The following GRIN2B variants were observed in gnomAD, a reference collection of about 807,000 sequenced individuals.
GRIN2B encodes glutamate ionotropic receptor NMDA type subunit 2B.
A neutral mutation model predicts 114.5 loss-of-function variants in GRIN2B; 5 were observed. The ratio of observed to expected loss-of-function variants is 0.04; its 90% CI spans 0.02 to 0.09. The LOEUF (loss-of-function observed/expected upper bound fraction) is 0.09. GRIN2B is among the 10% of genes least tolerant of loss of function. The pLI, the probability that GRIN2B is intolerant of heterozygous loss-of-function variation, is 1.00. For synonymous variants in GRIN2B, 787 were observed against 745.1 expected, an observed-to-expected ratio of 1.06 and a Z score of -0.92; for missense variants, 1,108 against 1,943.5, an observed-to-expected ratio of 0.57 and a Z score of 8.08.
intron 3 of GRIN2B, among the ~76,000 whole-genome samples, chr12:13,804,688 G>A (rs150887990): frequency 3.3e-5 from 5 of 152,128 alleles, no homozygotes; most frequent in East Asian, 1.9e-4. Flanking sequence ...AGTTCCTGCC[G>A]TGTTTCTCAT....
At chr12:13,727,727 G>A (rs1565515158) in intron 4 of GRIN2B, among the ~76,000 whole-genome samples, 1 of 152,152 alleles carries the variant, frequency 6.6e-6, no homozygotes, top group East Asian at 1.9e-4. Flanking sequence ...CAAGGTGGGA[G>A]GACCTGATGC....
intron 10 of GRIN2B, among the ~76,000 whole-genome samples, chr12:13,600,593 T>G (rs1949144337): frequency 6.6e-6 from 1 of 152,022 alleles, no homozygotes; most frequent in Non-Finnish European, 1.5e-5. Context: ...GAGAAAAGAG[T>G]TCCCTGTGCC....
intron 3 of GRIN2B, among the ~76,000 whole-genome samples, chr12:13,804,262 C>G (rs1008928947): frequency 2.7e-5 from 4 of 148,392 alleles, no homozygotes; most frequent in Non-Finnish European, 5.9e-5. Context: ...CACTGCATTA[C>G]TTACATTCTA....
chr12:13,893,827 A>T (rs991512429), intron 2 of GRIN2B, among the ~76,000 whole-genome samples: 25 of 121,708 alleles, frequency 2.1e-4, no homozygotes, highest in East Asian at 1.2e-3. Context: ...GACTTTTTTT[A>T]AAAAAAAGAA....
intron 4 of GRIN2B, among the ~76,000 whole-genome samples, chr12:13,715,501 T>A (rs1339760517): frequency 6.6e-6 from 1 of 151,912 alleles, no homozygotes; most frequent in Non-Finnish European, 1.5e-5. Context: ...TAACATGCAG[T>A]AAACACTTAG....
intron 3 of GRIN2B, among the ~76,000 whole-genome samples, chr12:13,783,061 TA>T (rs1416008271): frequency 3.3e-5 from 5 of 152,162 alleles, no homozygotes; most frequent in South Asian, 2.1e-4. Context: ...ATGTTAGTAT[TA>T]AAAAACTATA....
At chr12:13,671,985 T>C (rs766248103) in intron 5 of GRIN2B, among the ~76,000 whole-genome samples, 4 of 152,128 alleles carry the variant, frequency 2.6e-5, no homozygotes, top group Non-Finnish European at 4.4e-5. Flanking sequence ...ACGGGGTGAC[T>C]ACCTCATCAT....
chr12:13,569,783 G>C (rs1806211), intron 12 of GRIN2B, 47 bp downstream of exon 12: 2 of 1,174,490 alleles, frequency 1.7e-6, no homozygotes, highest in Non-Finnish European at 2.5e-6. Context: ...GTTTTGGACT[G>C]GCCATCAGTA....
At chr12:13,580,680 T>G (rs1948835664) in intron 10 of GRIN2B, among the ~76,000 whole-genome samples, 1 of 152,200 alleles carries the variant, frequency 6.6e-6, no homozygotes. Flanking sequence ...ATTATTGTCA[T>G]TACCCTATTT....
chr12:13,570,048 G>A, intron 11 of GRIN2B, 31 bp from the exon 12 acceptor site: 3 of 1,525,556 alleles, frequency 2.0e-6, no homozygotes, highest in Non-Finnish European at 2.7e-6. Context: ...CAAATCCAAT[G>A]GAGGAATTTT....
rs542631040 is a variant in GRIN2B at position 13,839,108 on chromosome 12, C to A, written c.411+26690G>T. On this transcript the variant is annotated intron_variant, in intron 3 of 13. Coordinates refer to ENST00000609686, the MANE Select transcript of GRIN2B (RefSeq NM_000834.5). Reference sequence around the variant, plus strand: ...CTGTTTATAACACCTACTGATCACACTCTGAGGTTAAGTCAGCTCTGGCAC... The same window carrying A: ...CTGTTTATAACACCTACTGATCACAATCTGAGGTTAAGTCAGCTCTGGCAC... Among the ~76,000 whole-genome samples, 4 of 152,372 alleles carry A rather than the reference C, an allele frequency of 2.6e-5. No individual in the cohort carries two copies. The East Asian group carries it at 5.8e-4, about 22-fold the overall frequency.
At position 13,905,892 on chromosome 12, in the gene GRIN2B, T is replaced by C. The variant is rs115829666; in HGVS notation, c.-18-39666A>G. Among the ~76,000 whole-genome samples, 1,487 of 152,262 alleles carry C rather than the reference T, an allele frequency of 9.8e-3. 4 individuals are homozygous for C. The highest frequency in any genetic ancestry group is 0.017 in the Middle Eastern group (5 of 294). On this transcript the variant is annotated intron_variant, in intron 2 of 13. Transcript: ENST00000609686. ...AGCCTCAAGGACGCTCTCCATAAAATTGCCTGTGCATATAATCACAGGTTA... is the reference window on the plus strand; with the variant it reads ...AGCCTCAAGGACGCTCTCCATAAAACTGCCTGTGCATATAATCACAGGTTA...
At chr12:13,694,737 T>G (rs1235522492) in intron 4 of GRIN2B, among the ~76,000 whole-genome samples, 1 of 140,652 alleles carries the variant, frequency 7.1e-6, no homozygotes, top group East Asian at 2.1e-4. Flanking sequence ...ATATCCACTC[T>G]TCTCCTCTAT....
chr12:13,909,881 G>T (rs1866602066), intron 2 of GRIN2B, among the ~76,000 whole-genome samples: 2 of 150,930 alleles, frequency 1.3e-5, no homozygotes, highest in South Asian at 4.2e-4. Context: ...CATTGTAAAA[G>T]TTCTTGTTTC....
chr12:13,708,244 C>T (rs1391165715), intron 4 of GRIN2B, among the ~76,000 whole-genome samples: 5 of 152,030 alleles, frequency 3.3e-5, no homozygotes, highest in Non-Finnish European at 4.4e-5. Context: ...CCTCTCCTTC[C>T]CCCACGCTTC....
At chr12:13,828,536 T>A (rs1018482156) in intron 3 of GRIN2B, among the ~76,000 whole-genome samples, 1 of 152,140 alleles carries the variant, frequency 6.6e-6, no homozygotes, top group Non-Finnish European at 1.5e-5. Context: ...TGCCTTATCC[T>A]CCCCAAATGC....
intron 4 of GRIN2B, among the ~76,000 whole-genome samples, chr12:13,686,586 G>A (rs1391844295): frequency 6.6e-6 from 1 of 152,048 alleles, no homozygotes; most frequent in South Asian, 2.1e-4. Context: ...AAATCACAAA[G>A]AGATTTTTCA....
chr12:13,893,435 G>A (rs1356773488), intron 2 of GRIN2B, among the ~76,000 whole-genome samples: 1 of 151,998 alleles, frequency 6.6e-6, no homozygotes, highest in African/African-American at 2.4e-5. Flanking sequence ...CAAAGGAAAA[G>A]AACATGAAAA....
At chr12:13,653,489 C>T (rs752758374) in intron 5 of GRIN2B, among the ~76,000 whole-genome samples, 7 of 150,994 alleles carry the variant, frequency 4.6e-5, no homozygotes, top group Admixed American at 4.6e-4. Context: ...CCCTGGAGTA[C>T]ATCAATAAAT....
Sources: gnomAD v4.1 joint callset for allele counts (sites outside exome capture counted in the v4.1 genomes callset) on GRCh38, gnomAD v4.1.1 for gene constraint, MANE v1.5 for transcripts, NCBI Gene and HGNC (gene_info 2026-07-23, HGNC 2026-07-21) for gene names.